FBXO31: variants seen among roughly 807,000 people sequenced by gnomAD.
The protein encoded by FBXO31 is F-box only protein 31.
A neutral mutation model predicts 54.4 loss-of-function variants in FBXO31; 24 were observed. The ratio of observed to expected loss-of-function variants is 0.44; its 90% CI spans 0.32 to 0.62. FBXO31 has a LOEUF of 0.62. Ranked by LOEUF, FBXO31 falls within the 20% of genes least tolerant of loss-of-function variation. The probability of loss-of-function intolerance (pLI) is 0.05; values close to 1 mark genes in which losing one functional copy is unlikely to be tolerated. For synonymous variants in FBXO31, 388 were observed against 335.6 expected (o/e 1.16, Z -1.71); for missense variants, 665 against 787.1 (o/e 0.84, Z 1.86).
intron 3 of FBXO31, 51 bp from the exon 4 acceptor site, chr16:87,343,816 A>AG: frequency 6.2e-7 from 1 of 1,603,678 alleles, no homozygotes; most frequent in African/African-American, 1.3e-5. Flanking sequence ...GGCCAGAGCA[A>AG]GGGCGGCCCC....
At chr16:87,348,862 C>A (rs1905515434) in intron 2 of FBXO31, among the ~76,000 whole-genome samples, 1 of 152,192 alleles carries the variant, frequency 6.6e-6, no homozygotes, top group African/African-American at 2.4e-5. Flanking sequence ...AACCCTGGAT[C>A]CCGCAGAACA....
intron 2 of FBXO31, among the ~76,000 whole-genome samples, chr16:87,351,066 A>T (rs1905631920): frequency 6.6e-6 from 1 of 152,220 alleles, no homozygotes; most frequent in Non-Finnish European, 1.5e-5. Flanking sequence ...GATGAGTCAG[A>T]GAAACAGCGT....
chr16:87,380,539 C>T (rs1022358226), intron 1 of FBXO31, among the ~76,000 whole-genome samples: 2 of 152,132 alleles, frequency 1.3e-5, no homozygotes, highest in African/African-American at 2.4e-5. Context: ...CAGGCACGCA[C>T]CACCATGACT....
intron 2 of FBXO31, among the ~76,000 whole-genome samples, chr16:87,348,564 G>A (rs1971728): frequency 0.12 from 18,487 of 152,148 alleles, 2,855 homozygotes; most frequent in African/African-American, 0.37. Context: ...CAGACCTGGC[G>A]GGAGGATAAG....
At chr16:87,361,274 A>C (rs1352384038) in intron 1 of FBXO31, among the ~76,000 whole-genome samples, 1 of 152,212 alleles carries the variant, frequency 6.6e-6, no homozygotes, top group Non-Finnish European at 1.5e-5. Flanking sequence ...AACAGAGAAA[A>C]CAAGTGCAGA....
rs1906079902 is a variant in FBXO31, at chr16:87,360,363, T to C, written c.344A>G (p.Tyr115Cys). 4.3e-6 allele frequency: 7 copies of C among 1,614,008 alleles called. No homozygotes were observed. The highest frequency in any genetic ancestry group is 5.9e-6 in the Non-Finnish European group (7 of 1,179,950). ...CTTCCGCAAGTTTTCGCAAACACCA[T>C]ACTCTGTAACAAGAAACATTTGCAG... The part of the protein sequence containing the change: ...TIWRRRCREE[Y>C]GVCENLRKLE... The change falls in exon 2 of 9, where the codon TAT (tyrosine) becomes TGT (cysteine). Residue 115 changes from tyrosine (Y) to cysteine (C), a missense_variant. Coordinates refer to ENST00000311635, the MANE Select transcript of FBXO31 (RefSeq NM_024735.5).
chr16:87,389,360 C>G (rs1244762470), intron 1 of FBXO31, among the ~76,000 whole-genome samples: 1 of 152,124 alleles, frequency 6.6e-6, no homozygotes, highest in Non-Finnish European at 1.5e-5. Flanking sequence ...TTCAAAAACA[C>G]GCAGAGTAAC....
intron 2 of FBXO31, among the ~76,000 whole-genome samples, chr16:87,349,594 C>T (rs564523039): frequency 1.8e-4 from 27 of 152,250 alleles, no homozygotes; most frequent in Non-Finnish European, 3.4e-4. Flanking sequence ...GCCTGTAATC[C>T]CAGCTACTCG....
chr16:87,391,390 C>T (rs1168764512), upstream of FBXO31, among the ~76,000 whole-genome samples: 1 of 152,232 alleles, frequency 6.6e-6, no homozygotes, highest in East Asian at 1.9e-4. Flanking sequence ...CCAAATATCG[C>T]ATGGTGGTTT....
intron 4 of FBXO31, among the ~76,000 whole-genome samples, chr16:87,343,173 C>A (rs1302243095): frequency 6.6e-6 from 1 of 152,200 alleles, no homozygotes; most frequent in Non-Finnish European, 1.5e-5. Context: ...GAGAGAGTGG[C>A]GTTTGCATTT....
intron 2 of FBXO31, among the ~76,000 whole-genome samples, chr16:87,350,954 G>A (rs567469394): frequency 5.3e-5 from 8 of 152,338 alleles, no homozygotes; most frequent in African/African-American, 1.4e-4. Context: ...TCTGCGTGTT[G>A]GTCAAAGCGA....
chr16:87,349,407 G>A (rs1259913583), intron 2 of FBXO31, among the ~76,000 whole-genome samples: 1 of 152,226 alleles, frequency 6.6e-6, no homozygotes, highest in Non-Finnish European at 1.5e-5. Context: ...AAAATGTCAT[G>A]GGCCTGCAGA....
intron 1 of FBXO31, among the ~76,000 whole-genome samples, chr16:87,361,085 A>G (rs1231952457): frequency 1.3e-5 from 2 of 152,194 alleles, no homozygotes; most frequent in African/African-American, 2.4e-5. Flanking sequence ...CTTTGAAAGG[A>G]AAGACCGCCA....
upstream of FBXO31, among the ~76,000 whole-genome samples, chr16:87,390,287 CAAAT>C (rs1469246853): frequency 1.3e-5 from 2 of 152,024 alleles, no homozygotes; most frequent in African/African-American, 4.8e-5. Context: ...TCTCAAAAAA[CAAAT>C]AAATAAAATA....
chr16:87,368,721 A>G (rs960076828), intron 1 of FBXO31, among the ~76,000 whole-genome samples: 1 of 151,886 alleles, frequency 6.6e-6, no homozygotes, highest in Non-Finnish European at 1.5e-5. Context: ...TCAGTCCAAC[A>G]TGATTGGAGG....
rs575366222 is a variant in FBXO31 at position 87,339,002 on chromosome 16, T to C, written c.733-2738A>G. ...GTTCCCCTGCACAAGTTCTCTCTTT[T>C]TTTGCCTGCCGCCATGTAAGATGCG... On this transcript the variant is annotated intron_variant, in intron 5 of 8. Transcript: ENST00000311635. Among the ~76,000 whole-genome samples, 10 of 152,310 alleles carry C rather than the reference T, an allele frequency of 6.6e-5. No individual in the cohort carries two copies. The East Asian group carries it at 1.7e-3, about 27-fold the overall frequency.
At position 87,341,725 on chromosome 16, in the gene FBXO31, A is replaced by C. The variant is rs531746284; in HGVS notation, c.732+1152T>G. Among the ~76,000 whole-genome samples the C allele has an allele frequency of 2.6e-5, 4 of 152,292 alleles. No homozygotes were observed. The South Asian group carries it at 8.3e-4, about 32-fold the overall frequency. On this transcript the variant is annotated intron_variant, in intron 5 of 8. Coordinates refer to ENST00000311635, the MANE Select transcript of FBXO31 (RefSeq NM_024735.5). ...ACACATACGTTGTGTTTCTGTATAT[A>C]AAATCAAATCTAAAATAACAGCATA...
chr16:87,349,787 T>A (rs551875841), intron 2 of FBXO31, among the ~76,000 whole-genome samples: 60 of 150,120 alleles, frequency 4.0e-4, no homozygotes, highest in African/African-American at 1.4e-3. Flanking sequence ...GCATGAGTTA[T>A]GGTCCCAGCT....
In FBXO31 at chr16:87,331,291, G is replaced by A. The variant is rs1904846022; in HGVS notation, c.1617C>T (p.Ser539=). The change falls in exon 9 of 9, where the codon TCC becomes TCT. Residue 539 remains serine, a synonymous_variant. Coordinates refer to ENST00000311635, the MANE Select transcript of FBXO31 (RefSeq NM_024735.5). ...GTGGCGGCAAGGATGTGGCCGGTCA[G>A]GAGGTGAGGGACTGAATGTTCTTGA... ...EMLKNIQSLT[S] 6.2e-7 allele frequency: 1 copy of A among 1,613,498 alleles called. No individual in the cohort carries two copies. Among genetic ancestry groups the A allele is most frequent in the African/African-American group, 1.3e-5 (1 of 75,046 alleles).
Sources: allele counts gnomAD v4.1 joint callset (sites outside exome capture counted in the v4.1 genomes callset), GRCh38; gene constraint gnomAD v4.1.1; transcripts MANE v1.5; gene names NCBI Gene and HGNC (gene_info 2026-07-23, HGNC 2026-07-21).